The following PPP2R5B variants were observed in gnomAD, a reference collection of about 807,000 sequenced individuals.
The protein encoded by PPP2R5B is protein phosphatase 2 regulatory subunit B'beta, also known as serine/threonine-protein phosphatase 2A 56 kDa regulatory subunit beta isoform.
A neutral mutation model predicts 59.9 loss-of-function variants in PPP2R5B; 19 were observed. That is an observed-to-expected ratio of 0.32 (90% CI 0.22 to 0.47). The LOEUF (loss-of-function observed/expected upper bound fraction) is 0.47. PPP2R5B is among the 20% of genes least tolerant of loss of function. PPP2R5B has a pLI of 1.00. For missense variants in PPP2R5B, 441 were observed against 640.2 expected, an observed-to-expected ratio of 0.69 and a Z score of 3.36; for synonymous variants, 286 against 260.5, an observed-to-expected ratio of 1.10 and a Z score of -0.94.
upstream of PPP2R5B, among the ~76,000 whole-genome samples, chr11:64,922,657 G>A (rs578052513): frequency 1.3e-5 from 2 of 152,112 alleles, no homozygotes; most frequent in African/African-American, 2.4e-5. Flanking sequence ...GGCGGATCAC[G>A]AGGTCAGGAG....
chr11:64,927,711 A>C, intron 3 of PPP2R5B, 91 bp from the exon 4 acceptor site: 1 of 1,059,958 alleles, frequency 9.4e-7, no homozygotes, highest in Non-Finnish European at 1.4e-6. Context: ...TGTCTTGGGA[A>C]AGAAAAAAAA....
At chr11:64,921,952 C>T (rs942944580), upstream of PPP2R5B, among the ~76,000 whole-genome samples, 1 of 152,168 alleles carries the variant, frequency 6.6e-6, no homozygotes. Flanking sequence ...TGGTGGCTCA[C>T]ACCTGTAGTC....
upstream of PPP2R5B, among the ~76,000 whole-genome samples, chr11:64,920,763 G>A (rs1296159428): frequency 2.6e-5 from 4 of 151,084 alleles, no homozygotes; most frequent in Admixed American, 2.6e-4. Context: ...CTGAGTAGCT[G>A]GAATTACAGG....
Position 64,925,964 on chromosome 11 carries a change from G to A in PPP2R5B, c.199+31G>A, listed in dbSNP as rs574518500. ...CTGGCTGCTGGCCACTGGGGGAACC[G>A]AACCCCCGAGGGGACCAGCAGGGCC... On this transcript the variant is annotated intron_variant, in intron 2 of 13. Coordinates refer to ENST00000164133, the MANE Select transcript of PPP2R5B (RefSeq NM_006244.4). This position sits in a 1 kb window ranked among gnomAD's most constrained non-coding sequence, Gnocchi z 4.6. 9 of 1,595,028 alleles carry A rather than the reference G, an allele frequency of 5.6e-6. No homozygotes were observed. The highest frequency in any genetic ancestry group is 2.7e-5 in the African/African-American group (2 of 74,742).
Position 64,925,740 on chromosome 11 carries a change from G to T in PPP2R5B, c.6G>T (p.Glu2Asp). The change falls in exon 2 of 14, where the codon GAG (glutamate) becomes GAT (aspartate). Residue 2 changes from glutamate to aspartate, a missense_variant. Around this residue, in one of 3 missense-constraint regions of PPP2R5B, gnomAD observed 103 missense variants for 87.9 expected, o/e 1.17. Coordinates refer to ENST00000164133, the MANE Select transcript of PPP2R5B (RefSeq NM_006244.4). This position sits in a 1 kb window ranked among gnomAD's most constrained non-coding sequence, Gnocchi z 4.6. ...TGCCCTGCCGCCTGACCGCCATGGAGACGAAGCTGCCCCCTGCAAGCACCC... is the reference window on the plus strand; with the variant it reads ...TGCCCTGCCGCCTGACCGCCATGGATACGAAGCTGCCCCCTGCAAGCACCC... M[E>D]TKLPPASTPT... is the part of the protein sequence containing the mutation. 6.3e-7 allele frequency: 1 copy of T among 1,590,388 alleles called. No homozygotes were observed.
upstream of PPP2R5B, among the ~76,000 whole-genome samples, chr11:64,919,806 C>T (rs1354778610): frequency 2.0e-5 from 3 of 152,208 alleles, no homozygotes; most frequent in Non-Finnish European, 4.4e-5. Context: ...TTTACGTGCA[C>T]GATCTCATCT....
intron 6 of PPP2R5B, among the ~76,000 whole-genome samples, 171 bp downstream of exon 6, chr11:64,928,596 G>C (rs1440856237): frequency 6.6e-6 from 1 of 152,208 alleles, no homozygotes; most frequent in Non-Finnish European, 1.5e-5. Context: ...GGCCAACATG[G>C]TGAAACCCCG....
chr11:64,934,371 C>G lies in PPP2R5B; in HGVS notation c.*527C>G, dbSNP rs1945264765. The G allele has an allele frequency of 3.3e-6, 1 of 301,366 alleles. No individual in the cohort carries two copies. The highest frequency in any genetic ancestry group is 4.8e-5 in the Admixed American group (1 of 21,046). The allele number at this position is 301,366 out of a possible 1,614,324, so 18.7% of individuals were successfully genotyped here. A position where few individuals can be genotyped will look rare whatever the true frequency, so the allele number is the denominator to read the frequency against. ...GGCAGGGGGAGGGGGAGGGCACAGGCAAGAAGAGATTCACAGTGTCCTGGG... is the reference window on the plus strand; with the variant it reads ...GGCAGGGGGAGGGGGAGGGCACAGGGAAGAAGAGATTCACAGTGTCCTGGG... On this transcript the variant is annotated 3_prime_UTR_variant, in exon 14 of 14. Transcript: ENST00000164133.
rs144621979 is a variant in PPP2R5B, at chr11:64,931,826, T to A, written c.1074T>A (p.Leu358=). 582 of 1,614,196 alleles carry A rather than the reference T, an allele frequency of 3.6e-4. No individual in the cohort carries two copies. Among genetic ancestry groups the A allele is most frequent in the Non-Finnish European group, 4.0e-4 (472 of 1,180,032 alleles). Residue 358 remains leucine, a synonymous_variant, in exon 11 of 14, where the codon CTT becomes CTA. Coordinates refer to ENST00000164133, the MANE Select transcript of PPP2R5B (RefSeq NM_006244.4). The surrounding 1 kb of genome is among the most constrained non-coding windows in gnomAD (Gnocchi z 5.0). The stretch of plus-strand genomic sequence containing the variant: ...AGTTTGTGAAGATCCAGGAGCCCCT[T>A]TTTAAGCAGGTGGCTCGCTGTGTTT... ...PSQFVKIQEP[L]FKQVARCVSS...
chr11:64,921,743 A>T (rs1314252745), upstream of PPP2R5B, among the ~76,000 whole-genome samples: 1 of 152,256 alleles, frequency 6.6e-6, no homozygotes, highest in African/African-American at 2.4e-5. Flanking sequence ...GCTCAGGGGC[A>T]GCCAGGAGAA....
Position 64,926,823 on chromosome 11 carries a change from G to A in PPP2R5B, c.311G>A (p.Arg104Gln), listed in dbSNP as rs1945169542. The change falls in exon 3 of 14, where the codon CGG becomes CAG. Residue 104 changes from arginine (R) to glutamine (Q), a missense_variant. Transcript: ENST00000164133. ...GACCTCAAGGGGAAGGAGGTGAAGC[G>A]GGCAGCCCTCAACGAGCTGGTGGAG... ...VADLKGKEVK[R>Q]AALNELVECV... The A allele has an allele frequency of 5.0e-6, 8 of 1,614,070 alleles. No homozygotes were observed. The Admixed American group carries it at 6.7e-5, about 13-fold the overall frequency.
Position 64,933,424 on chromosome 11 carries a change from C to T in PPP2R5B, c.1346+178C>T, listed in dbSNP as rs112581682. ...GCCCCTGTATCCTCCCGTCATTCTT[C>T]GAGTAGCTCAGACTTGTTCTGACTC... On this transcript the variant is annotated intron_variant, in intron 13 of 13. Transcript: ENST00000164133. 1.9e-3 allele frequency among the ~76,000 whole-genome samples: 288 copies of T among 152,278 alleles called. 1 individual carries two copies. Among genetic ancestry groups the T allele is most frequent in the African/African-American group, 5.2e-3 (218 of 41,558 alleles).
Position 64,933,927 on chromosome 11 carries a change from C to T in PPP2R5B, c.*83C>T, listed in dbSNP as rs1445722893. The T allele has an allele frequency of 2.1e-6, 3 of 1,403,180 alleles. No homozygotes were observed. Among genetic ancestry groups the T allele is most frequent in the African/African-American group, 2.9e-5 (2 of 68,550 alleles). 86.9% of individuals were successfully genotyped at this position (1,403,180 alleles called of 1,614,324 possible). A position where few individuals can be genotyped will look rare whatever the true frequency, so the allele number is the denominator to read the frequency against. ...TCCTGTCCAGGGGCCCAGAGAGAAA[C>T]ACACCTACCCCTGGCCTTGCCAGAG... On this transcript the variant is annotated 3_prime_UTR_variant, in exon 14 of 14. Transcript: ENST00000164133.
intron 12 of PPP2R5B, 52 bp from the exon 13 acceptor site, chr11:64,933,093 G>T (rs369815988): frequency 1.3e-6 from 2 of 1,534,264 alleles, no homozygotes. Context: ...AAAGGGAGAG[G>T]TGGGCAAACC....
upstream of PPP2R5B, among the ~76,000 whole-genome samples, chr11:64,920,222 GC>G (rs1201196071): frequency 6.6e-6 from 1 of 152,176 alleles, no homozygotes; most frequent in Non-Finnish European, 1.5e-5. Flanking sequence ...TCCTTTCTAG[GC>G]CCCTGGAGCC....
chr11:64,933,026 G>T, intron 12 of PPP2R5B, 119 bp from the exon 13 acceptor site: 1 of 1,506,816 alleles, frequency 6.6e-7, no homozygotes, highest in South Asian at 1.2e-5. Flanking sequence ...TGGTGAAAAG[G>T]ACAGGAAAGT....
chr11:64,928,028 T>C, intron 4 of PPP2R5B, 38 bp from the exon 5 acceptor site: 1 of 1,599,272 alleles, frequency 6.3e-7, no homozygotes, highest in Non-Finnish European at 8.6e-7. Context: ...GGTGAGGCTG[T>C]TACTGAACTC....
chr11:64,926,585 A>G, intron 2 of PPP2R5B, 127 bp from the exon 3 acceptor site: 1 of 965,992 alleles, frequency 1.0e-6, no homozygotes, highest in South Asian at 1.6e-5. Context: ...GGAGCAGGAG[A>G]TGGCACAAGA....
chr11:64,933,768 AG>A lies in PPP2R5B; in HGVS notation c.1422del (p.Thr475ProfsTer63). The A allele has an allele frequency of 6.4e-7, 1 of 1,554,924 alleles. No homozygotes were observed. Among genetic ancestry groups the A allele is most frequent in the Non-Finnish European group, 8.7e-7 (1 of 1,148,880 alleles). ...GAGGAGCTGCGGCTACGCCGGCTAC[AG>A]GGGACCCAGGGGGCCAAGGAGGCCC... ...GLEELRLRRLQGTQGAKEAPL... is the reference protein window; with the variant it reads ...GLEELRLRRLXGTQGAKEAPL... On this transcript the variant is annotated frameshift_variant, in exon 14 of 14. Transcript: ENST00000164133. LOFTEE classifies it high-confidence loss of function.
Sources: allele counts gnomAD v4.1 joint callset (sites outside exome capture counted in the v4.1 genomes callset), GRCh38; gene constraint gnomAD v4.1.1; regional missense constraint gnomAD v4.1.1; non-coding constraint Gnocchi (gnomAD v3.1); transcripts MANE v1.5; gene names NCBI Gene and HGNC (gene_info 2026-07-23, HGNC 2026-07-21).